The following SHC3 variants were observed in gnomAD, a reference collection of about 807,000 sequenced individuals.
SHC3 encodes SHC adaptor protein 3.
SHC3 carries 15 observed loss-of-function variants against 60.4 expected under a neutral mutation model. That is an observed-to-expected ratio of 0.25 (90% CI 0.17 to 0.38). The LOEUF (loss-of-function observed/expected upper bound fraction) is 0.38, where lower values mean the gene tolerates loss of function less well. Among genes scored for constraint, SHC3 ranks in the 10% least tolerant of loss-of-function variants. The pLI is 1.00. For synonymous variants in SHC3, 294 were observed against 325.9 expected (o/e 0.90, Z 1.05); for missense variants, 677 against 786.1 (o/e 0.86, Z 1.66).
intron 1 of SHC3, among the ~76,000 whole-genome samples, chr9:89,152,445 G>A (rs1826558540): frequency 6.6e-6 from 1 of 152,232 alleles, no homozygotes; most frequent in African/African-American, 2.4e-5. Context: ...GCTCAAGTTA[G>A]TTGTGGCTTG....
chr9:89,104,487 A>G (rs1825828374), intron 2 of SHC3, among the ~76,000 whole-genome samples: 4 of 152,248 alleles, frequency 2.6e-5, no homozygotes, highest in Admixed American at 2.6e-4. Flanking sequence ...AAGTATGTGT[A>G]GCAAATCTTT....
intron 10 of SHC3, among the ~76,000 whole-genome samples, chr9:89,041,437 A>G (rs1298830047): frequency 6.6e-6 from 1 of 152,220 alleles, no homozygotes; most frequent in Non-Finnish European, 1.5e-5. Context: ...GTATATCTCC[A>G]TCAAGTAGAA....
chr9:89,086,692 C>A (rs764589092), intron 2 of SHC3, among the ~76,000 whole-genome samples: 29 of 152,176 alleles, frequency 1.9e-4, no homozygotes, highest in Non-Finnish European at 3.8e-4. Flanking sequence ...GGCTGGAAGT[C>A]CCAACCTCTA....
chr9:89,125,625 A>C (rs1826152935), intron 1 of SHC3, among the ~76,000 whole-genome samples: 1 of 152,160 alleles, frequency 6.6e-6, no homozygotes. Context: ...CAAGTCATAA[A>C]GATCTTGCTG....
At chr9:89,015,299 T>G (rs760331767) in intron 11 of SHC3, among the ~76,000 whole-genome samples, 2 of 152,232 alleles carry the variant, frequency 1.3e-5, no homozygotes, top group African/African-American at 4.8e-5. Flanking sequence ...ACGTAAGTTC[T>G]GGGTGAACTG....
At chr9:89,150,461 T>C (rs1437157415) in intron 1 of SHC3, among the ~76,000 whole-genome samples, 1 of 152,244 alleles carries the variant, frequency 6.6e-6, no homozygotes, top group African/African-American at 2.4e-5. Context: ...AATAGTACAA[T>C]ATGTGCCGTT....
intron 2 of SHC3, among the ~76,000 whole-genome samples, chr9:89,083,587 G>A (rs1010239817): frequency 5.9e-5 from 9 of 152,212 alleles, no homozygotes; most frequent in African/African-American, 2.2e-4. Flanking sequence ...AGAAGCTGCA[G>A]GCAGGGAGAT....
At chr9:89,177,946 C>A in intron 1 of SHC3, 41 bp downstream of exon 1, 1 of 1,190,530 alleles carries the variant, frequency 8.4e-7, no homozygotes, top group Non-Finnish European at 1.0e-6. Flanking sequence ...GAACTGGCCC[C>A]AGAACCCCCA....
At chr9:89,142,066 C>T (rs1826401682) in intron 1 of SHC3, among the ~76,000 whole-genome samples, 1 of 152,094 alleles carries the variant, frequency 6.6e-6, no homozygotes, top group Non-Finnish European at 1.5e-5. Flanking sequence ...TTCTGTCGCC[C>T]ACAGCCATCA....
At chr9:89,124,775 G>A (rs1444978347) in intron 1 of SHC3, among the ~76,000 whole-genome samples, 1 of 151,616 alleles carries the variant, frequency 6.6e-6, no homozygotes, top group East Asian at 1.9e-4. Context: ...GATAGGTGCA[G>A]CAAATTACCA....
In SHC3 at chr9:89,178,507, GC is replaced by G; in HGVS notation, c.-48del. On this transcript the variant is annotated 5_prime_UTR_variant, in exon 1 of 12. Transcript: ENST00000375835. This position sits in a 1 kb window ranked among gnomAD's most constrained non-coding sequence, Gnocchi z 6.9. ...ATCCGCCCGGGCGCTGCTGGTGCCG[GC>G]CCCGGCGCGGGCTGCCGCGCATAGC... 7.1e-7 allele frequency: 1 copy of G among 1,412,900 alleles called. No individual in the cohort carries two copies. Among genetic ancestry groups the G allele is most frequent in the Non-Finnish European group, 9.3e-7 (1 of 1,078,090 alleles). The allele number at this position is 1,412,900 out of a possible 1,614,324, so 87.5% of individuals were successfully genotyped here.
intron 1 of SHC3, among the ~76,000 whole-genome samples, chr9:89,168,102 T>C (rs989752807): frequency 2.0e-5 from 3 of 152,246 alleles, no homozygotes; most frequent in Admixed American, 6.5e-5. Flanking sequence ...ATCCATCTTG[T>C]AGCTCAGACC....
chr9:89,114,444 AC>A, intron 1 of SHC3, among the ~76,000 whole-genome samples: 2 of 152,280 alleles, frequency 1.3e-5, no homozygotes, highest in South Asian at 2.1e-4. Flanking sequence ...AGAAAAAAAA[AC>A]AATAAAAGTA....
intron 4 of SHC3, among the ~76,000 whole-genome samples, chr9:89,074,703 A>AAAAAAAAAAAAAAAAC: frequency 6.6e-6 from 1 of 151,454 alleles, no homozygotes; most frequent in Non-Finnish European, 1.5e-5. Flanking sequence ...AAAAAAAAAA[A>AAAAAAAAAAAAAAAAC]AAAAAAAAAA....
In SHC3 at chr9:89,013,469, T is replaced by C; in HGVS notation, c.1763A>G (p.Gln588Arg). 6.2e-7 allele frequency: 1 copy of C among 1,613,534 alleles called. No individual in the cohort carries two copies. Among genetic ancestry groups the C allele is most frequent in the Non-Finnish European group, 8.5e-7 (1 of 1,179,714 alleles). The change falls in exon 12 of 12, where the codon CAG (glutamine) becomes CGG (arginine). Residue 588 changes from glutamine to arginine, a missense_variant. By Grantham distance (43) the Gln-to-Arg change is conservative. Transcript: ENST00000375835. ...AGGTCACTGCTTCCTCTCCACTGGC[T>C]GCTGGAGACACAGCTCACTCCCTGC... ...VSAGSELCLQ[Q>R]PVERKQ is the part of the protein sequence containing the mutation.
chr9:89,150,052 G>A (rs1181866121), intron 1 of SHC3, among the ~76,000 whole-genome samples: 1 of 152,154 alleles, frequency 6.6e-6, no homozygotes, highest in Admixed American at 6.5e-5. Flanking sequence ...GCCCTAAAGT[G>A]CAAGAGTAGT....
chr9:89,043,821 T>C (rs1824730527), intron 9 of SHC3, among the ~76,000 whole-genome samples: 1 of 151,974 alleles, frequency 6.6e-6, no homozygotes, highest in Admixed American at 6.6e-5. Context: ...CACAGCTAAT[T>C]TTTTGTATTT....
chr9:89,125,419 C>T (rs1236155452), intron 1 of SHC3, among the ~76,000 whole-genome samples: 1 of 151,698 alleles, frequency 6.6e-6, no homozygotes, highest in Non-Finnish European at 1.5e-5. Context: ...ATGGTGGTGT[C>T]TACTTCCTGG....
intron 11 of SHC3, among the ~76,000 whole-genome samples, chr9:89,036,381 G>C (rs966330092): frequency 5.9e-5 from 9 of 152,202 alleles, no homozygotes; most frequent in African/African-American, 1.4e-4. Flanking sequence ...GGAAGAGCAA[G>C]GATGTTGCTG....
Sources: gnomAD v4.1 joint callset for allele counts (sites outside exome capture counted in the v4.1 genomes callset) on GRCh38, gnomAD v4.1.1 for gene constraint, Gnocchi (gnomAD v3.1) non-coding constraint, MANE v1.5 for transcripts, NCBI Gene and HGNC (gene_info 2026-07-23, HGNC 2026-07-21) for gene names.